Variants in LRP1B observed in about 807,000 individuals in gnomAD.
LRP1B encodes the protein low-density lipoprotein receptor-related protein 1B.
Under a neutral mutation model 556.6 loss-of-function variants are expected in LRP1B, and 217 were observed. The observed-to-expected ratio is 0.39, with a 90% confidence interval of 0.35 to 0.44. LRP1B has a LOEUF of 0.44. Among genes scored for constraint, LRP1B ranks in the 20% least tolerant of loss-of-function variants. The pLI is 1.00. For synonymous variants in LRP1B, 2,047 were observed against 1,865.8 expected (o/e 1.10, Z -2.50); for missense variants, 5,053 against 5,620.8 (o/e 0.90, Z 3.23).
chr2:141,336,465 C>A (rs181399054), intron 3 of LRP1B, among the ~76,000 whole-genome samples: 2 of 152,214 alleles, frequency 1.3e-5, no homozygotes, highest in African/African-American at 2.4e-5. Flanking sequence ...TTCATAAATC[C>A]CTTTTCCCTT....
At chr2:141,237,859 G>A (rs895717762) in intron 5 of LRP1B, among the ~76,000 whole-genome samples, 1 of 152,070 alleles carries the variant, frequency 6.6e-6, no homozygotes, top group Non-Finnish European at 1.5e-5. Flanking sequence ...CATTTCCCCT[G>A]TTATCTGAAA....
intron 43 of LRP1B, among the ~76,000 whole-genome samples, chr2:140,583,171 C>CT (rs1219194754): frequency 0.012 from 579 of 48,024 alleles, 7 homozygotes; most frequent in South Asian, 0.027. Context: ...CCTTTTTTTT[C>CT]TTTTTTTTTT....
At chr2:140,910,219 TA>T (rs1410197113) in intron 21 of LRP1B, among the ~76,000 whole-genome samples, 1 of 151,692 alleles carries the variant, frequency 6.6e-6, no homozygotes, top group East Asian at 1.9e-4. Flanking sequence ...AAGATATTAA[TA>T]ATTAAAGAGC....
chr2:140,940,421 T>C (rs1054844073), intron 20 of LRP1B, among the ~76,000 whole-genome samples: 3 of 152,160 alleles, frequency 2.0e-5, no homozygotes, highest in Admixed American at 6.6e-5. Context: ...AGATGTGATG[T>C]ATATCCAGAC....
At chr2:141,502,914 A>T (rs909089795) in intron 2 of LRP1B, among the ~76,000 whole-genome samples, 1 of 150,802 alleles carries the variant, frequency 6.6e-6, no homozygotes, top group African/African-American at 2.4e-5. Context: ...AGGATATATA[A>T]GTTTTAAAGT....
chr2:140,398,517 C>G (rs199591441), intron 66 of LRP1B, among the ~76,000 whole-genome samples: 5 of 93,654 alleles, frequency 5.3e-5, no homozygotes, highest in East Asian at 4.5e-4. Context: ...CTTTCTTTCT[C>G]TTTTGTTGTT....
intron 2 of LRP1B, among the ~76,000 whole-genome samples, chr2:141,700,425 T>C (rs1691898665): frequency 6.6e-6 from 1 of 151,852 alleles, no homozygotes; most frequent in South Asian, 2.1e-4. Flanking sequence ...AGTTTCTTTA[T>C]TCTAAAATTG....
Position 140,534,138 on chromosome 2 carries a change from T to A in LRP1B, c.7645A>T (p.Asn2549Tyr), listed in dbSNP as rs751642934. 6.2e-7 allele frequency: 1 copy of A among 1,610,224 alleles called. No individual in the cohort carries two copies. Among genetic ancestry groups the A allele is most frequent in the South Asian group, 1.1e-5 (1 of 90,386 alleles). ...KSDEKLLYCENRSCRRGFKPC... is the reference protein window; with the variant it reads ...KSDEKLLYCEYRSCRRGFKPC... ...TTGAAGCCTCTTCGACAGCTTCTGT[T>A]TTCTTATAAATAAAAGTAGAAACAC... Residue 2549 changes from asparagine (N) to tyrosine (Y), a missense_variant and splice_region_variant, in exon 47 of 91, where the codon AAC (asparagine) becomes TAC (tyrosine). This residue lies in a region of LRP1B where 3,619 missense variants were observed against 3,931.9 expected (regional missense o/e 0.92). Coordinates refer to ENST00000389484, the MANE Select transcript of LRP1B (RefSeq NM_018557.3).
intron 2 of LRP1B, among the ~76,000 whole-genome samples, chr2:141,758,656 C>T (rs1694410397): frequency 6.6e-6 from 1 of 151,890 alleles, no homozygotes; most frequent in Non-Finnish European, 1.5e-5. Context: ...CTCTACTAGG[C>T]ACAGGATATA....
chr2:140,386,040 T>C (rs774731447), intron 66 of LRP1B, 31 bp from the exon 67 acceptor site: 3 of 1,373,612 alleles, frequency 2.2e-6, no homozygotes, highest in Admixed American at 1.8e-5. Flanking sequence ...GTTTGCATTG[T>C]AGATTTCCAT....
chr2:142,125,259 T>A (rs1707601352), intron 1 of LRP1B, among the ~76,000 whole-genome samples: 1 of 151,842 alleles, frequency 6.6e-6, no homozygotes, highest in Non-Finnish European at 1.5e-5. Flanking sequence ...ATTTGGAAGA[T>A]GTAAGCTTAC....
At chr2:140,905,478 C>G in intron 22 of LRP1B, among the ~76,000 whole-genome samples, 1 of 152,072 alleles carries the variant, frequency 6.6e-6, no homozygotes, top group East Asian at 1.9e-4. Context: ...CCAGAACTAC[C>G]TTCTAAGGAG....
chr2:142,033,155 A>C (rs1317006776), intron 1 of LRP1B, among the ~76,000 whole-genome samples: 1 of 151,842 alleles, frequency 6.6e-6, no homozygotes, highest in Non-Finnish European at 1.5e-5. Flanking sequence ...CCAGCTGCTA[A>C]GATGTTGCTC....
chr2:140,808,125 G>A (rs1333650183), intron 32 of LRP1B, among the ~76,000 whole-genome samples: 2 of 146,820 alleles, frequency 1.4e-5, no homozygotes, highest in East Asian at 2.1e-4. Flanking sequence ...AAATAAAAAT[G>A]GAGAAGAATT....
intron 66 of LRP1B, among the ~76,000 whole-genome samples, chr2:140,399,418 T>G (rs910444182): frequency 9.9e-5 from 15 of 152,174 alleles, no homozygotes; most frequent in Non-Finnish European, 1.0e-4. Flanking sequence ...AATTATTTCT[T>G]TTGTTTTCCT....
chr2:140,879,026 A>C (rs964773072), intron 25 of LRP1B, among the ~76,000 whole-genome samples: 3 of 151,884 alleles, frequency 2.0e-5, no homozygotes, highest in Admixed American at 2.0e-4. Flanking sequence ...AGAAAAAATA[A>C]TCCCTGAAAA....
At chr2:140,463,670 T>A (rs1025048313) in intron 60 of LRP1B, among the ~76,000 whole-genome samples, 1 of 152,208 alleles carries the variant, frequency 6.6e-6, no homozygotes, top group Non-Finnish European at 1.5e-5. Flanking sequence ...TTTCCGATAT[T>A]AAATATCATA....
At chr2:140,500,763 A>C (rs1323523453) in intron 55 of LRP1B, among the ~76,000 whole-genome samples, 1 of 151,812 alleles carries the variant, frequency 6.6e-6, no homozygotes, top group Non-Finnish European at 1.5e-5. Flanking sequence ...ATTTGGATAC[A>C]CTCCAATTCG....
chr2:140,659,815 G>A (rs529027753), intron 41 of LRP1B, among the ~76,000 whole-genome samples: 42 of 152,114 alleles, frequency 2.8e-4, no homozygotes, highest in Non-Finnish European at 5.2e-4. Flanking sequence ...TACGAGACTA[G>A]TGAGAAAAAC....
Sources: allele counts gnomAD v4.1 joint callset (sites outside exome capture counted in the v4.1 genomes callset), GRCh38; gene constraint gnomAD v4.1.1; regional missense constraint gnomAD v4.1.1; transcripts MANE v1.5; gene names NCBI Gene and HGNC (gene_info 2026-07-23, HGNC 2026-07-21).